SYF2: variants seen among roughly 807,000 people sequenced by gnomAD.
SYF2 encodes the protein pre-mRNA-splicing factor SYF2.
SYF2 carries 21 observed loss-of-function variants against 32.7 expected under a neutral mutation model. The ratio of observed to expected loss-of-function variants is 0.64; its 90% CI spans 0.45 to 0.92. SYF2 has a LOEUF of 0.92. Ranked by LOEUF, SYF2 falls within the 40% of genes least tolerant of loss-of-function variation. The probability of loss-of-function intolerance (pLI) is 0.00; values close to 1 mark genes in which losing one functional copy is unlikely to be tolerated. For missense variants in SYF2, 278 were observed against 296.5 expected (o/e 0.94, Z 0.46); for synonymous variants, 114 against 103.9 (o/e 1.10, Z -0.59).
intron 3 of SYF2, 96 bp downstream of exon 3, chr1:25,228,902 G>A: frequency 7.0e-7 from 1 of 1,436,956 alleles, no homozygotes; most frequent in Non-Finnish European, 9.4e-7. Flanking sequence ...CTGGCAGCTT[G>A]GCCTAAGAGC....
chr1:25,225,168 G>A (rs1157159953), intron 5 of SYF2, 68 bp from the exon 6 acceptor site: 1 of 1,001,316 alleles, frequency 1.0e-6, no homozygotes, highest in Non-Finnish European at 1.6e-6. Context: ...TCAAACTAAA[G>A]TACCATACAT....
chr1:25,225,115 A>C lies in SYF2; in HGVS notation c.468-15T>G, dbSNP rs1638481213. On this transcript the variant is annotated splice_polypyrimidine_tract_variant and intron_variant, in intron 5 of 6. Transcript: ENST00000236273. ...ACTCTTCTCCACTGAAAAGGCAGCA[A>C]AATGAACTTACAGTAACACTATAAA... is the stretch of plus-strand genomic sequence containing the variant. 6.4e-7 allele frequency: 1 copy of C among 1,561,684 alleles called. No homozygotes were observed. Among genetic ancestry groups the C allele is most frequent in the African/African-American group, 1.4e-5 (1 of 73,992 alleles).
chr1:25,224,022 C>T (rs1308939051), intron 6 of SYF2, among the ~76,000 whole-genome samples: 2 of 151,992 alleles, frequency 1.3e-5, no homozygotes, highest in African/African-American at 4.8e-5. Flanking sequence ...GACGAAACCC[C>T]GTCTCTACTA....
intron 1 of SYF2, 83 bp from the exon 2 acceptor site, chr1:25,232,294 C>A (rs1638650190): frequency 1.9e-6 from 3 of 1,582,438 alleles, no homozygotes; most frequent in Admixed American, 1.8e-5. Flanking sequence ...CCGGTCCCCA[C>A]AGGCTGGGCC....
chr1:25,226,667 A>C, intron 5 of SYF2, among the ~76,000 whole-genome samples: 1 of 152,354 alleles, frequency 6.6e-6, no homozygotes, highest in Non-Finnish European at 1.5e-5. Context: ...ATAGCTGTGA[A>C]GTAAGCAATA....
At chr1:25,228,627 C>T (rs1357672033) in intron 3 of SYF2, among the ~76,000 whole-genome samples, 1 of 152,210 alleles carries the variant, frequency 6.6e-6, no homozygotes, top group Non-Finnish European at 1.5e-5. Flanking sequence ...TGAGCCACTG[C>T]ACCCGGCCAC....
chr1:25,231,710 AT>A, intron 2 of SYF2: 1 of 192,640 alleles, frequency 5.2e-6, no homozygotes, highest in Non-Finnish European at 1.1e-5. Flanking sequence ...CTGACAGAAG[AT>A]TATTATTTTT....
intron 2 of SYF2, chr1:25,230,796 C>T (rs1213761360): frequency 1.3e-5 from 2 of 148,154 alleles, no homozygotes; most frequent in African/African-American, 5.0e-5. Context: ...AAAGCAGGGG[C>T]TTTCTACAAT....
intron 1 of SYF2, 72 bp from the exon 2 acceptor site, chr1:25,232,283 G>T: frequency 6.3e-7 from 1 of 1,579,824 alleles, no homozygotes; most frequent in Non-Finnish European, 8.6e-7. Flanking sequence ...CCGAGTCCCC[G>T]CCGGTCCCCA....
chr1:25,230,327 G>C (rs1360474780), intron 2 of SYF2: 1 of 151,632 alleles, frequency 6.6e-6, no homozygotes, highest in Non-Finnish European at 1.5e-5. Context: ...GTAGCAGGGA[G>C]AAGAGTCTAT....
At chr1:25,227,312 C>A (rs930701756) in intron 5 of SYF2, 130 bp downstream of exon 5, 6 of 775,808 alleles carry the variant, frequency 7.7e-6, no homozygotes, top group Non-Finnish European at 1.2e-5. Context: ...CCAGAAAAAA[C>A]AGAGACCATC....
rs772302373 is a variant in SYF2 at position 25,223,309 on chromosome 1, G to A, written c.689C>T (p.Thr230Ile). The A allele has an allele frequency of 1.2e-6, 2 of 1,613,826 alleles. No homozygotes were observed. Among genetic ancestry groups the A allele is most frequent in the Non-Finnish European group, 1.7e-6 (2 of 1,179,972 alleles). Reference protein sequence around the residue: ...KKAERFYGKYTAEIKQNLERG... With the variant: ...KKAERFYGKYIAEIKQNLERG... ...TTCCAAATTCTGTTTAATTTCAGCTGTGTATTTCCCATAGAATCTTTCAGC... is the reference window on the plus strand; with the variant it reads ...TTCCAAATTCTGTTTAATTTCAGCTATGTATTTCCCATAGAATCTTTCAGC... Residue 230 changes from threonine to isoleucine, a missense_variant, in exon 7 of 7, where the codon ACA becomes ATA. Transcript: ENST00000236273.
chr1:25,223,867 G>A (rs1196783986), intron 6 of SYF2, among the ~76,000 whole-genome samples: 2 of 151,948 alleles, frequency 1.3e-5, no homozygotes, highest in Admixed American at 6.6e-5. Context: ...AAATTTTTTT[G>A]AATACATTTT....
At chr1:25,230,614 G>A (rs1638607296) in intron 2 of SYF2, 2 of 152,122 alleles carry the variant, frequency 1.3e-5, no homozygotes, top group Admixed American at 1.3e-4. Flanking sequence ...AATTAAAGAC[G>A]CCAAGAACAT....
chr1:25,232,399 A>T (rs370501880), intron 1 of SYF2, 45 bp downstream of exon 1: 45 of 1,614,126 alleles, frequency 2.8e-5, no homozygotes, highest in Non-Finnish European at 3.7e-5. Flanking sequence ...CGCTCCCCGG[A>T]ACCCTCACCA....
chr1:25,232,328 C>G, intron 1 of SYF2, 116 bp downstream of exon 1: 1 of 1,593,232 alleles, frequency 6.3e-7, no homozygotes. Context: ...GCCGACTTGA[C>G]CCCACAGTGT....
chr1:25,223,229 C>G lies in SYF2; in HGVS notation c.*37G>C. The G allele has an allele frequency of 6.5e-7, 1 of 1,531,690 alleles. No individual in the cohort carries two copies. Among genetic ancestry groups the G allele is most frequent in the Non-Finnish European group, 8.8e-7 (1 of 1,138,408 alleles). The allele number at this position is 1,531,690 out of a possible 1,614,324, so 94.9% of individuals were successfully genotyped here. On this transcript the variant is annotated 3_prime_UTR_variant, in exon 7 of 7. Coordinates refer to ENST00000236273, the MANE Select transcript of SYF2 (RefSeq NM_015484.5). Reference sequence around the variant, plus strand: ...TGATTTTGCTAGCAGAAATTTTTACCCCATTCTCAAGCTTCTATAAACAGT... The same window carrying G: ...TGATTTTGCTAGCAGAAATTTTTACGCCATTCTCAAGCTTCTATAAACAGT...
Position 25,229,084 on chromosome 1 carries a change from C to T in SYF2, c.172G>A (p.Glu58Lys). ...RKLNHQEVVEEDKRLKLPANW... is the reference protein window; with the variant it reads ...RKLNHQEVVEKDKRLKLPANW... ...GCAGGTAATTTTAGTCTTTTATCTTCTTCCACAACTTCCTGGTGATTTAAT... is the reference window on the plus strand; with the variant it reads ...GCAGGTAATTTTAGTCTTTTATCTTTTTCCACAACTTCCTGGTGATTTAAT... Residue 58 changes from glutamate (E) to lysine (K), a missense_variant, in exon 3 of 7, where the codon GAA becomes AAA. By Grantham distance (56) the Glu-to-Lys change is moderately conservative. Transcript: ENST00000236273. 6.2e-7 allele frequency: 1 copy of T among 1,613,764 alleles called. No homozygotes were observed. Among genetic ancestry groups the T allele is most frequent in the Non-Finnish European group, 8.5e-7 (1 of 1,179,908 alleles).
chr1:25,228,273 T>C (rs769060412), intron 3 of SYF2, 38 bp from the exon 4 acceptor site: 3 of 1,460,036 alleles, frequency 2.1e-6, no homozygotes, highest in Admixed American at 3.5e-5. Context: ...ACAATTATGA[T>C]ACATGCAATA....
Sources: allele counts gnomAD v4.1 joint callset (sites outside exome capture counted in the v4.1 genomes callset), GRCh38; gene constraint gnomAD v4.1.1; transcripts MANE v1.5; gene names NCBI Gene and HGNC (gene_info 2026-07-23, HGNC 2026-07-21).